Variants in COL24A1 observed in about 807,000 individuals in gnomAD.
COL24A1 encodes collagen alpha-1(XXIV) chain.
Under a neutral mutation model 253.9 loss-of-function variants are expected in COL24A1, and 224 were observed. The observed-to-expected ratio is 0.88, with a 90% CI of 0.79 to 0.99. The LOEUF is 0.99. Among genes scored for constraint, COL24A1 ranks in the 50% least tolerant of loss-of-function variants. The probability of loss-of-function intolerance (pLI) is 0.00; values close to 1 mark genes in which losing one functional copy is unlikely to be tolerated. For synonymous variants in COL24A1, 685 were observed against 673.7 expected (o/e 1.02, Z -0.26); for missense variants, 2,131 against 2,068.5 (o/e 1.03, Z -0.59).
chr1:86,147,761 A>G (rs1436946137), intron 1 of COL24A1, among the ~76,000 whole-genome samples: 1 of 152,258 alleles, frequency 6.6e-6, no homozygotes, highest in Non-Finnish European at 1.5e-5. Context: ...CACTGTGTTT[A>G]TATTTACAAT....
intron 19 of COL24A1, among the ~76,000 whole-genome samples, chr1:85,997,055 G>GTGTGTGTGTGTGTGTGTATATA: frequency 1.9e-4 from 18 of 95,098 alleles, no homozygotes; most frequent in Admixed American, 7.5e-4. Flanking sequence ...GTGTGTGTGT[G>GTGTGTGTGTGTGTGTGTATATA]TATATATATA....
At chr1:85,912,439 T>C (rs1004554708) in intron 24 of COL24A1, among the ~76,000 whole-genome samples, 2 of 152,184 alleles carry the variant, frequency 1.3e-5, no homozygotes, top group South Asian at 2.1e-4. Flanking sequence ...TAAAGACAAA[T>C]GAAACTTTTT....
At position 85,983,135 on chromosome 1, in the gene COL24A1, A is replaced by T. The variant is rs184066596; in HGVS notation, c.2364+4466T>A. 4.4e-3 allele frequency among the ~76,000 whole-genome samples: 672 copies of T among 152,182 alleles called. 3 individuals are homozygous for T. The highest frequency in any genetic ancestry group is 0.015 in the African/African-American group (640 of 41,574). ...TATCAGGTCTGCTATGCAAAAGACA[A>T]TAACAGCCTCTTTTAGCATCCCTAA... On this transcript the variant is annotated intron_variant, in intron 20 of 59. Coordinates refer to ENST00000370571, the MANE Select transcript of COL24A1 (RefSeq NM_152890.7).
chr1:86,097,028 C>G, intron 5 of COL24A1, among the ~76,000 whole-genome samples: 1 of 152,202 alleles, frequency 6.6e-6, no homozygotes, highest in South Asian at 2.1e-4. Context: ...TTTCACCAGG[C>G]TATCACTGAC....
At chr1:86,077,681 C>A (rs571110549) in intron 7 of COL24A1, among the ~76,000 whole-genome samples, 3 of 152,266 alleles carry the variant, frequency 2.0e-5, no homozygotes, top group South Asian at 4.1e-4. Context: ...AGTCCATGTT[C>A]TTTGCAGGGA....
At chr1:85,989,876 G>C (rs906333595) in intron 19 of COL24A1, among the ~76,000 whole-genome samples, 14 of 151,972 alleles carry the variant, frequency 9.2e-5, no homozygotes, top group African/African-American at 3.4e-4. Context: ...ACTTTTCTTT[G>C]ACCTCCATAC....
chr1:86,112,146 G>A (rs7550559), intron 5 of COL24A1, among the ~76,000 whole-genome samples: 26,417 of 151,760 alleles, frequency 0.17, 2,411 homozygotes, highest in South Asian at 0.26. Context: ...AAACATCCTC[G>A]GTTTTTTTTC....
intron 5 of COL24A1, 78 bp from the exon 6 acceptor site, chr1:86,092,398 C>T (rs1703565408): frequency 6.8e-6 from 7 of 1,023,210 alleles, no homozygotes; most frequent in Admixed American, 4.0e-5. Context: ...GTATTTATTA[C>T]CAGATGTTAT....
chr1:85,738,341 A>AAT (rs1167296417), intron 57 of COL24A1, among the ~76,000 whole-genome samples: 1 of 152,228 alleles, frequency 6.6e-6, no homozygotes, highest in African/African-American at 2.4e-5. Flanking sequence ...TTCACAAAAA[A>AAT]ATCATACAAT....
At chr1:85,855,234 T>A (rs1678286698) in intron 37 of COL24A1, among the ~76,000 whole-genome samples, 1 of 152,156 alleles carries the variant, frequency 6.6e-6, no homozygotes. Context: ...CTTTCTTTTG[T>A]CTGACTGCTG....
chr1:85,797,780 G>A (rs1190491085), intron 47 of COL24A1, among the ~76,000 whole-genome samples: 4 of 152,162 alleles, frequency 2.6e-5, no homozygotes, highest in African/African-American at 7.2e-5. Context: ...TACAGTAAGC[G>A]TTTAATAACT....
intron 35 of COL24A1, among the ~76,000 whole-genome samples, 153 bp from the exon 36 acceptor site, chr1:85,868,988 A>G (rs980512266): frequency 1.4e-4 from 22 of 152,156 alleles, no homozygotes; most frequent in African/African-American, 4.8e-4. Context: ...CAGTAAAATG[A>G]GAATGATTTA....
intron 28 of COL24A1, among the ~76,000 whole-genome samples, chr1:85,905,148 G>A (rs568289747): frequency 6.6e-6 from 1 of 152,226 alleles, no homozygotes; most frequent in Non-Finnish European, 1.5e-5. Flanking sequence ...AACATGCTAT[G>A]ACACGTATTT....
At chr1:85,745,122 A>C (rs1422855068) in intron 56 of COL24A1, among the ~76,000 whole-genome samples, 3 of 152,108 alleles carry the variant, frequency 2.0e-5, no homozygotes, top group Non-Finnish European at 2.9e-5. Context: ...TAAATAAATG[A>C]GTAGTGATAA....
At position 86,084,901 on chromosome 1, in the gene COL24A1, A is replaced by C. The variant is rs1040373142; in HGVS notation, c.1707+4273T>G. On this transcript the variant is annotated intron_variant, in intron 7 of 59. Transcript: ENST00000370571. ...TAACAGTGGTGGCAGCACAACCCCCAAGCAGCGGCATTTGTATTAGACTCA... is the reference window on the plus strand; with the variant it reads ...TAACAGTGGTGGCAGCACAACCCCCCAGCAGCGGCATTTGTATTAGACTCA... 3.3e-5 allele frequency among the ~76,000 whole-genome samples: 5 copies of C among 152,200 alleles called. No homozygotes were observed. The East Asian group carries it at 9.7e-4, about 29-fold the overall frequency.
intron 43 of COL24A1, among the ~76,000 whole-genome samples, chr1:85,830,109 T>C (rs961841852): frequency 3.9e-4 from 59 of 152,230 alleles, no homozygotes; most frequent in African/African-American, 1.3e-3. Flanking sequence ...TCGGTGTGGA[T>C]GTCCTTTCTG....
At chr1:85,817,616 T>C (rs1323653781) in intron 46 of COL24A1, among the ~76,000 whole-genome samples, 5 of 152,148 alleles carry the variant, frequency 3.3e-5, no homozygotes, top group East Asian at 1.9e-4. Context: ...GATTAAATTT[T>C]TTTTCCTAAG....
chr1:85,804,845 G>A (rs1419681732), intron 47 of COL24A1, among the ~76,000 whole-genome samples: 1 of 151,916 alleles, frequency 6.6e-6, no homozygotes, highest in African/African-American at 2.4e-5. Flanking sequence ...GATTTCAGAT[G>A]GCAAATACTC....
chr1:85,739,422 TA>T (rs911529063), intron 57 of COL24A1, among the ~76,000 whole-genome samples: 1 of 152,192 alleles, frequency 6.6e-6, no homozygotes, highest in African/African-American at 2.4e-5. Context: ...TTTGTGAGCC[TA>T]AATGTTCTGA....
Sources: gnomAD v4.1 joint callset for allele counts (sites outside exome capture counted in the v4.1 genomes callset) on GRCh38, gnomAD v4.1.1 for gene constraint, MANE v1.5 for transcripts, NCBI Gene and HGNC (gene_info 2026-07-23, HGNC 2026-07-21) for gene names.